Variants in SGCD observed in about 807,000 individuals in gnomAD.
The protein encoded by SGCD is delta-sarcoglycan.
Under a neutral mutation model 36.6 loss-of-function variants are expected in SGCD, and 18 were observed. That is an observed-to-expected ratio of 0.49 (90% CI 0.34 to 0.73). The LOEUF is 0.73. SGCD is among the 30% of genes least tolerant of loss of function. The pLI is 0.01. For synonymous variants in SGCD, 133 were observed against 130.6 expected (o/e 1.02, Z -0.12); for missense variants, 387 against 346.7 (o/e 1.12, Z -0.92).
chr5:156,086,027 G>T (rs1486026674), intron 1 of SGCD, among the ~76,000 whole-genome samples: 7 of 152,114 alleles, frequency 4.6e-5, no homozygotes, highest in Admixed American at 2.0e-4. Flanking sequence ...CTGTGTTTGG[G>T]TGTATCTTTT....
chr5:156,735,017 G>T (rs939202698), intron 7 of SGCD, among the ~76,000 whole-genome samples: 8 of 152,102 alleles, frequency 5.3e-5, no homozygotes, highest in African/African-American at 1.7e-4. Flanking sequence ...CCTCTGGATG[G>T]TTTTTTTGTT....
At chr5:156,043,312 T>C (rs908976316) in intron 1 of SGCD, among the ~76,000 whole-genome samples, 11 of 152,210 alleles carry the variant, frequency 7.2e-5, no homozygotes, top group Admixed American at 6.5e-4. Flanking sequence ...CACCTGCCTC[T>C]AACTAAGAGA....
chr5:155,963,628 C>T (rs559315830), intron 1 of SGCD, among the ~76,000 whole-genome samples: 7 of 151,996 alleles, frequency 4.6e-5, no homozygotes, highest in East Asian at 1.9e-4. Context: ...TTTTTATCTC[C>T]CCATTATAGA....
chr5:155,790,109 A>G, the SGCD span, among the ~76,000 whole-genome samples: 1 of 152,094 alleles, frequency 6.6e-6, no homozygotes, highest in Non-Finnish European at 1.5e-5. Context: ...ACAAACCCGT[A>G]CAATTCAAAT....
intron 1 of SGCD, among the ~76,000 whole-genome samples, chr5:155,981,342 C>G (rs1758225465): frequency 6.6e-6 from 1 of 152,088 alleles, no homozygotes; most frequent in Admixed American, 6.5e-5. Context: ...AATACCCCAG[C>G]AGGTGTGGGT....
In SGCD at chr5:156,512,188, T is replaced by A. The variant is rs1756963498; in HGVS notation, c.294+3486T>A. 2.8e-5 allele frequency among the ~76,000 whole-genome samples: 3 copies of A among 108,616 alleles called. No individual in the cohort carries two copies. The South Asian group carries it at 8.6e-4, about 31-fold the overall frequency. The allele number at this position is 108,616 out of a possible 152,430, so 71.3% of individuals were successfully genotyped here. On this transcript the variant is annotated intron_variant, in intron 4 of 8. Transcript: ENST00000337851. The stretch of plus-strand genomic sequence containing the variant: ...TAGCCTGGATGACAGTGAGACTCTG[T>A]CTCAAAAAAAAAAAAAAAAAAAAAA...
At chr5:155,979,505 T>C (rs765203863) in intron 1 of SGCD, among the ~76,000 whole-genome samples, 1 of 152,070 alleles carries the variant, frequency 6.6e-6, no homozygotes, top group Admixed American at 6.5e-5. Flanking sequence ...GATCAATACA[T>C]GTGGAAGGGA....
intron 3 of SGCD, among the ~76,000 whole-genome samples, chr5:156,301,976 C>G (rs944522866): frequency 2.0e-5 from 3 of 151,822 alleles, no homozygotes; most frequent in African/African-American, 7.3e-5. Flanking sequence ...TTAGAAAATG[C>G]CTTGAGGTAG....
At chr5:155,932,351 C>T (rs1281535662) in intron 1 of SGCD, among the ~76,000 whole-genome samples, 1 of 152,154 alleles carries the variant, frequency 6.6e-6, no homozygotes, top group East Asian at 1.9e-4. Flanking sequence ...CTTGGATACA[C>T]TGGGTAGCAA....
rs1159590267 is a variant in SGCD at position 156,183,978 on chromosome 5, T to A, written c.-44+59959T>A. 2.0e-5 allele frequency among the ~76,000 whole-genome samples: 3 copies of A among 152,228 alleles called. No homozygotes were observed. In the East Asian group the frequency reaches 5.8e-4, roughly 29 times the overall value. Reference sequence around the variant, plus strand: ...GTAGGGTTACATTTTGACAAACACATCATCAGCTGAAAATATTGTAAGTTG... The same window carrying A: ...GTAGGGTTACATTTTGACAAACACAACATCAGCTGAAAATATTGTAAGTTG... On this transcript the variant is annotated intron_variant, in intron 3 of 9. Coordinates refer to the SGCD transcript ENST00000517913.
intron 3 of SGCD, among the ~76,000 whole-genome samples, chr5:156,221,692 G>A (rs1472240506): frequency 6.6e-6 from 1 of 151,912 alleles, no homozygotes; most frequent in Non-Finnish European, 1.5e-5. Flanking sequence ...GTATTATTGG[G>A]AATAAAATCC....
In SGCD at chr5:156,474,266, T is replaced by C. The variant is rs139577331; in HGVS notation, c.193-34335T>C. 3.2e-3 allele frequency among the ~76,000 whole-genome samples: 485 copies of C among 152,246 alleles called. 2 individuals carry two copies. Among genetic ancestry groups the C allele is most frequent in the African/African-American group, 0.01 (432 of 41,560 alleles). ...AGTGAAAGATGGAAAAACTGTAGGA[T>C]AGTCTTTTTGGAATTTAATGAACCC... On this transcript the variant is annotated intron_variant, in intron 3 of 8. Transcript: ENST00000337851.
rs115137073 is a variant in SGCD, at chr5:156,290,008, C to A, written c.-43-39526C>A. On this transcript the variant is annotated intron_variant, in intron 3 of 9. Coordinates refer to the SGCD transcript ENST00000517913. ...AGAAAGACAATCTTATAGGCAGGGG[C>A]AATTAGAGAATGGTTGAATACTGGA... Among the ~76,000 whole-genome samples, 378 of 151,992 alleles carry A rather than the reference C, an allele frequency of 2.5e-3. 1 individual carries two copies. The highest frequency in any genetic ancestry group is 8.9e-3 in the African/African-American group (367 of 41,460).
At chr5:155,805,399 T>A in the SGCD span, among the ~76,000 whole-genome samples, 1 of 152,184 alleles carries the variant, frequency 6.6e-6, no homozygotes, top group Non-Finnish European at 1.5e-5. Flanking sequence ...AGTGAAGGGA[T>A]TGCCTAGGCA....
At chr5:156,187,131 A>G (rs2127630603) in intron 3 of SGCD, among the ~76,000 whole-genome samples, 1 of 152,332 alleles carries the variant, frequency 6.6e-6, no homozygotes, top group Non-Finnish European at 1.5e-5. Context: ...GTTCTACAAC[A>G]AAACCCAGTA....
At chr5:156,682,342 A>G (rs1271874745) in intron 7 of SGCD, among the ~76,000 whole-genome samples, 2 of 152,248 alleles carry the variant, frequency 1.3e-5, no homozygotes, top group Non-Finnish European at 2.9e-5. Flanking sequence ...TGGGCATCTG[A>G]ATATTTAAAA....
intron 7 of SGCD, among the ~76,000 whole-genome samples, chr5:156,723,671 G>T (rs190908175): frequency 6.6e-6 from 1 of 152,336 alleles, no homozygotes; most frequent in East Asian, 1.9e-4. Flanking sequence ...CGCTCTTGAG[G>T]ATGAGCAGGA....
chr5:156,318,940 C>T (rs557986752), intron 3 of SGCD, among the ~76,000 whole-genome samples: 1 of 152,262 alleles, frequency 6.6e-6, no homozygotes, highest in East Asian at 1.9e-4. Context: ...TTAGATGTGC[C>T]AGCATAGTTG....
chr5:155,806,446 C>T, the SGCD span, among the ~76,000 whole-genome samples: 4 of 152,210 alleles, frequency 2.6e-5, no homozygotes. Flanking sequence ...AGCCATCGTG[C>T]CCAGCCGACT....
Sources: allele counts gnomAD v4.1 joint callset (sites outside exome capture counted in the v4.1 genomes callset), GRCh38; gene constraint gnomAD v4.1.1; transcripts MANE v1.5; gene names NCBI Gene and HGNC (gene_info 2026-07-23, HGNC 2026-07-21).